HTR2C: variants seen among roughly 807,000 people sequenced by gnomAD.
HTR2C encodes the protein 5-hydroxytryptamine (serotonin) receptor 2C, G protein-coupled.
HTR2C carries 5 observed loss-of-function variants against 21.0 expected under a neutral mutation model. That is an observed-to-expected ratio of 0.24 (90% confidence interval 0.12 to 0.50). HTR2C has a LOEUF of 0.50. HTR2C is among the 20% of genes least tolerant of loss of function. The probability of loss-of-function intolerance (pLI) is 0.98; values close to 1 mark genes in which losing one functional copy is unlikely to be tolerated. For missense variants in HTR2C, 271 were observed against 371.2 expected (o/e 0.73, Z 2.22); for synonymous variants, 150 against 145.3 (o/e 1.03, Z -0.23).
intron 5 of HTR2C, among the ~76,000 whole-genome samples, chrX:114,862,120 G>C (rs973915075): frequency 4.5e-5 from 5 of 111,034 alleles, no homozygotes; most frequent in African/African-American, 1.6e-4. Context: ...GTCTAGTGTT[G>C]TATGTAGGCC....
At chrX:114,704,941 T>G (rs1413289077) in intron 2 of HTR2C, among the ~76,000 whole-genome samples, 9 of 107,069 alleles carry the variant, frequency 8.4e-5, no homozygotes, top group African/African-American at 3.0e-4. Flanking sequence ...AAATCATGAG[T>G]GAACTCCCAT....
intron 2 of HTR2C, among the ~76,000 whole-genome samples, chrX:114,642,902 A>G (rs1556406753): frequency 8.9e-6 from 1 of 111,922 alleles, no homozygotes; most frequent in African/African-American, 3.2e-5. Context: ...GTTAACAATA[A>G]GCTTTAGCCC....
chrX:114,706,682 C>T (rs1738508183), intron 2 of HTR2C, among the ~76,000 whole-genome samples: 1 of 107,063 alleles, frequency 9.3e-6, no homozygotes, highest in Non-Finnish European at 1.9e-5. Context: ...ACACATTGTA[C>T]ACATGTACCC....
chrX:114,877,974 T>G (rs2071152382), intron 5 of HTR2C, among the ~76,000 whole-genome samples: 2 of 111,025 alleles, frequency 1.8e-5, no homozygotes, highest in Admixed American at 1.9e-4. Context: ...TAGATGCATT[T>G]AGTCTCTAGT....
At position 114,604,392 on chromosome X, in the gene HTR2C, C is replaced by CA. The variant is rs781788875; in HGVS notation, c.-146-9421dup. ...TTAGAAGCCTGGCCGTCAATACCCA[C>CA]AACAGTTATGGAGGCAAGGGAAACA... On this transcript the variant is annotated intron_variant, in intron 1 of 5. Transcript: ENST00000276198. Among the ~76,000 whole-genome samples, 428 of 110,370 alleles carry CA rather than the reference C, an allele frequency of 3.9e-3. 4 individuals are homozygous for CA. The highest frequency in any genetic ancestry group is 0.013 in the African/African-American group (403 of 30,317).
intron 2 of HTR2C, among the ~76,000 whole-genome samples, chrX:114,627,754 G>T (rs193167912): frequency 3.5e-3 from 392 of 111,561 alleles, no homozygotes; most frequent in African/African-American, 0.012. Flanking sequence ...ATTTGCTGCT[G>T]GATCAAATAA....
At chrX:114,707,675 C>T (rs1236545430) in intron 2 of HTR2C, among the ~76,000 whole-genome samples, 2 of 110,659 alleles carry the variant, frequency 1.8e-5, no homozygotes, top group Non-Finnish European at 3.8e-5. Context: ...GAAATAATTT[C>T]TCCTTTTACA....
intron 5 of HTR2C, among the ~76,000 whole-genome samples, chrX:114,875,670 T>A (rs1351627938): frequency 1.8e-5 from 2 of 111,138 alleles, no homozygotes; most frequent in African/African-American, 6.5e-5. Context: ...GTCCCCATTA[T>A]GTATTTTTTA....
At chrX:114,766,931 A>T (rs907320649) in intron 4 of HTR2C, among the ~76,000 whole-genome samples, 2 of 111,487 alleles carry the variant, frequency 1.8e-5, no homozygotes, top group Admixed American at 1.9e-4. Flanking sequence ...CCCATGACCC[A>T]ATGCCATTGT....
rs1408764021 is a variant in HTR2C at position 114,848,216 on chromosome X, T to G, written c.550+13T>G. ...GCAATTTCTATAGGTAAATAAAACT[T>G]TTTGGCCATAAGAATTGCAGCGGCT... On this transcript the variant is annotated intron_variant, in intron 5 of 5. Coordinates refer to ENST00000276198, the MANE Select transcript of HTR2C (RefSeq NM_000868.4). The G allele has an allele frequency of 6.0e-6, 7 of 1,173,295 alleles. No individual in the cohort carries two copies. Among genetic ancestry groups the G allele is most frequent in the Non-Finnish European group, 8.1e-6 (7 of 862,571 alleles).
intron 4 of HTR2C, among the ~76,000 whole-genome samples, chrX:114,815,865 C>T (rs1444751517): frequency 2.7e-5 from 3 of 111,242 alleles, no homozygotes; most frequent in Non-Finnish European, 5.7e-5. Flanking sequence ...TTCTGCTTCT[C>T]AATGTAAAGT....
At chrX:114,746,990 AAAAG>A (rs2069712296) in intron 4 of HTR2C, among the ~76,000 whole-genome samples, 1 of 110,511 alleles carries the variant, frequency 9.0e-6, no homozygotes, top group African/African-American at 3.3e-5. Context: ...GTCTCAAAAA[AAAAG>A]AAAGAGAGAG....
chrX:114,852,426 A>G (rs1445236510), intron 5 of HTR2C, among the ~76,000 whole-genome samples: 1 of 110,965 alleles, frequency 9.0e-6, no homozygotes, highest in African/African-American at 3.3e-5. Context: ...TGCAAAAAAA[A>G]AAAAGATTAT....
chrX:114,690,876 A>G (rs1485710142), intron 2 of HTR2C, among the ~76,000 whole-genome samples: 1 of 111,606 alleles, frequency 9.0e-6, no homozygotes, highest in Non-Finnish European at 1.9e-5. Flanking sequence ...CCCTAGGTTG[A>G]TTCCTTTTTT....
chrX:114,818,751 C>T (rs1453576064), intron 4 of HTR2C, among the ~76,000 whole-genome samples: 1 of 111,619 alleles, frequency 9.0e-6, no homozygotes, highest in Non-Finnish European at 1.9e-5. Flanking sequence ...TTGTCTATGG[C>T]TGATTTCATC....
At chrX:114,904,956 AT>A (rs2071361456) in intron 5 of HTR2C, among the ~76,000 whole-genome samples, 1 of 109,649 alleles carries the variant, frequency 9.1e-6, no homozygotes, top group East Asian at 2.8e-4. Context: ...ATATTCCCAA[AT>A]TCCTGTTGAA....
At chrX:114,825,520 T>A (rs1375115630) in intron 4 of HTR2C, among the ~76,000 whole-genome samples, 9 of 111,812 alleles carry the variant, frequency 8.0e-5, no homozygotes, top group African/African-American at 2.6e-4. Flanking sequence ...TTCAGGTATA[T>A]TTTATGAGCC....
chrX:114,701,952 G>A (rs1932526225), intron 2 of HTR2C, among the ~76,000 whole-genome samples: 1 of 111,646 alleles, frequency 9.0e-6, no homozygotes, highest in African/African-American at 3.3e-5. Context: ...CTGGAAGAAA[G>A]GGTATCAGTG....
chrX:114,899,265 A>T (rs2071319150), intron 5 of HTR2C, among the ~76,000 whole-genome samples: 1 of 111,554 alleles, frequency 9.0e-6, no homozygotes, highest in Admixed American at 9.5e-5. Context: ...CTGGAATTCC[A>T]AACCAGTGGG....
Sources: allele counts gnomAD v4.1 joint callset (sites outside exome capture counted in the v4.1 genomes callset), GRCh38; gene constraint gnomAD v4.1.1; transcripts MANE v1.5; gene names NCBI Gene and HGNC (gene_info 2026-07-23, HGNC 2026-07-21).